The following RAD51B variants were observed in gnomAD, a reference collection of about 807,000 sequenced individuals.
RAD51B encodes DNA repair protein RAD51 homolog 2.
Under a neutral mutation model 42.2 loss-of-function variants are expected in RAD51B, and 38 were observed. That is an observed-to-expected ratio of 0.90 (90% CI 0.70 to 1.18). The LOEUF is 1.18. RAD51B is among the 50% of genes most tolerant of loss of function. RAD51B has a pLI of 0.00. For missense variants in RAD51B, 373 were observed against 400.7 expected, an observed-to-expected ratio of 0.93 and a Z score of 0.59; for synonymous variants, 154 against 145.2, an observed-to-expected ratio of 1.06 and a Z score of -0.43.
intron 7 of RAD51B, among the ~76,000 whole-genome samples, chr14:67,915,300 A>G (rs1566955996): frequency 6.6e-6 from 1 of 152,250 alleles, no homozygotes; most frequent in Admixed American, 6.5e-5. Context: ...ATTAGGTGTC[A>G]GTCAGAAACA....
chr14:68,493,307 T>C (rs1479021762), intron 10 of RAD51B, among the ~76,000 whole-genome samples: 1 of 152,252 alleles, frequency 6.6e-6, no homozygotes, highest in African/African-American at 2.4e-5. Context: ...CATTTGCTTA[T>C]GAGTAGAATG....
At chr14:68,224,359 G>T (rs1312194968) in intron 7 of RAD51B, among the ~76,000 whole-genome samples, 1 of 152,008 alleles carries the variant, frequency 6.6e-6, no homozygotes, top group East Asian at 1.9e-4. Flanking sequence ...CACTTACTTT[G>T]CCAATGGCCC....
intron 7 of RAD51B, among the ~76,000 whole-genome samples, chr14:68,261,916 C>A (rs1417031745): frequency 6.6e-6 from 1 of 152,068 alleles, no homozygotes; most frequent in Non-Finnish European, 1.5e-5. Context: ...ACACAGTAGG[C>A]CGGGGACGCT....
At chr14:67,925,279 CT>C (rs113443943) in intron 7 of RAD51B, among the ~76,000 whole-genome samples, 14,343 of 149,194 alleles carry the variant, frequency 0.096, 1,870 homozygotes, top group African/African-American at 0.3. Flanking sequence ...TACCATTCTT[CT>C]TTTTTTTTTG....
rs570959103 is a variant in RAD51B, at chr14:68,365,477, C to T, written c.854-45947C>T. 2.0e-5 allele frequency among the ~76,000 whole-genome samples: 3 copies of T among 152,326 alleles called. No individual in the cohort carries two copies. In the South Asian group the frequency reaches 6.2e-4, roughly 32 times the overall value. On this transcript the variant is annotated intron_variant, in intron 8 of 10. Transcript: ENST00000471583. ...TCCTATTTGATGAATCATGGTGTAT[C>T]ATACAATCTAGATATTTCATCTGGA...
chr14:68,051,060 A>G (rs1025660441), intron 7 of RAD51B, among the ~76,000 whole-genome samples: 1 of 151,952 alleles, frequency 6.6e-6, no homozygotes, highest in South Asian at 2.1e-4. Flanking sequence ...TTTAAAAAAT[A>G]AAGAATAATT....
chr14:68,204,563 T>G (rs2079549597), intron 7 of RAD51B, among the ~76,000 whole-genome samples: 1 of 152,226 alleles, frequency 6.6e-6, no homozygotes, highest in Non-Finnish European at 1.5e-5. Context: ...ACTAATAGAC[T>G]TGTTTGATGC....
intron 9 of RAD51B, among the ~76,000 whole-genome samples, chr14:68,413,216 G>C (rs1426871094): frequency 6.6e-6 from 1 of 152,166 alleles, no homozygotes; most frequent in Non-Finnish European, 1.5e-5. Context: ...GGAAGTAGCT[G>C]GTAGGACAAA....
intron 10 of RAD51B, among the ~76,000 whole-genome samples, chr14:68,496,347 C>T (rs1461231799): frequency 6.6e-6 from 1 of 152,232 alleles, no homozygotes; most frequent in Non-Finnish European, 1.5e-5. Flanking sequence ...ATATTCCCTC[C>T]TCTCCTCTCT....
At chr14:67,968,211 GAA>G (rs1366925721) in intron 7 of RAD51B, among the ~76,000 whole-genome samples, 1 of 152,190 alleles carries the variant, frequency 6.6e-6, no homozygotes. Flanking sequence ...CCCAGCCCAT[GAA>G]ACCATTTTTT....
intron 8 of RAD51B, among the ~76,000 whole-genome samples, chr14:68,326,533 GTTC>G (rs2082256132): frequency 6.6e-6 from 1 of 152,114 alleles, no homozygotes; most frequent in African/African-American, 2.4e-5. Context: ...AAGCCAAGTA[GTTC>G]TTCTTCCAGC....
At chr14:68,660,237 T>G (rs1042065950) in intron 11 of RAD51B, among the ~76,000 whole-genome samples, 3 of 152,196 alleles carry the variant, frequency 2.0e-5, no homozygotes, top group African/African-American at 7.2e-5. Context: ...TAAAAATATT[T>G]GCACTAATTA....
chr14:68,089,446 A>G (rs1031981060), intron 7 of RAD51B, among the ~76,000 whole-genome samples: 1 of 152,066 alleles, frequency 6.6e-6, no homozygotes, highest in Non-Finnish European at 1.5e-5. Context: ...ACAGTTCTCC[A>G]TCTTCATTAG....
chr14:68,310,459 A>G (rs1389826368), intron 8 of RAD51B, among the ~76,000 whole-genome samples: 1 of 152,136 alleles, frequency 6.6e-6, no homozygotes, highest in South Asian at 2.1e-4. Flanking sequence ...TCACAACAAT[A>G]TTAGTGGAGA....
At chr14:68,678,521 C>T (rs1161128904) in intron 11 of RAD51B, among the ~76,000 whole-genome samples, 1 of 152,124 alleles carries the variant, frequency 6.6e-6, no homozygotes, top group Non-Finnish European at 1.5e-5. Flanking sequence ...TAATAGCATG[C>T]CTAGTGCTGA....
chr14:68,538,526 G>A (rs1202606256), intron 10 of RAD51B, among the ~76,000 whole-genome samples: 1 of 152,124 alleles, frequency 6.6e-6, no homozygotes, highest in East Asian at 1.9e-4. Context: ...TAAATATTTA[G>A]ACATATGATA....
intron 9 of RAD51B, among the ~76,000 whole-genome samples, chr14:68,428,439 C>CTG (rs1049779993): frequency 5.3e-5 from 8 of 151,968 alleles, no homozygotes; most frequent in Non-Finnish European, 1.5e-5. Flanking sequence ...ACCTTATTAA[C>CTG]TGTATGCACA....
At chr14:68,416,405 A>G (rs1221061755) in intron 9 of RAD51B, among the ~76,000 whole-genome samples, 1 of 152,140 alleles carries the variant, frequency 6.6e-6, no homozygotes, top group Non-Finnish European at 1.5e-5. Context: ...CTTGAGGTCT[A>G]TAACTGAATT....
intron 7 of RAD51B, among the ~76,000 whole-genome samples, chr14:68,111,198 CT>C (rs1316826781): frequency 6.6e-6 from 1 of 151,918 alleles, no homozygotes; most frequent in East Asian, 1.9e-4. Context: ...CAAAGTTCAA[CT>C]TTTTTTTATT....
Sources: allele counts gnomAD v4.1 joint callset (sites outside exome capture counted in the v4.1 genomes callset), GRCh38; gene constraint gnomAD v4.1.1; transcripts MANE v1.5; gene names NCBI Gene and HGNC (gene_info 2026-07-23, HGNC 2026-07-21).